Variants in SLC38A8 observed in about 807,000 individuals in gnomAD.
SLC38A8 encodes solute carrier family 38 member 8, also known as amino acid transporter SLC38A8.
A neutral mutation model predicts 46.0 loss-of-function variants in SLC38A8; 65 were observed. The observed-to-expected ratio is 1.41, with a 90% CI of 1.16 to 1.74. The LOEUF (loss-of-function observed/expected upper bound fraction) is 1.74, where lower values mean the gene tolerates loss of function less well. SLC38A8 is among the 40% of genes most tolerant of loss of function. SLC38A8 has a pLI of 0.00. For synonymous variants in SLC38A8, 447 were observed against 243.7 expected (o/e 1.83, Z -7.77); for missense variants, 998 against 567.9 (o/e 1.76, Z -7.70).
At chr16:84,025,663 C>G (rs2085154991) in intron 6 of SLC38A8, among the ~76,000 whole-genome samples, 1 of 152,210 alleles carries the variant, frequency 6.6e-6, no homozygotes, top group Non-Finnish European at 1.5e-5. Context: ...CACCCAGCCT[C>G]GCTCTGTCAC....
rs1355715777 is a variant in SLC38A8, at chr16:84,036,969, C to G, written c.190-69G>C. The G allele has an allele frequency of 4.9e-6, 7 of 1,436,396 alleles. No homozygotes were observed. In the East Asian group the frequency reaches 7.5e-5, roughly 15 times the overall value. The allele number at this position is 1,436,396 out of a possible 1,614,324, so 89.0% of individuals were successfully genotyped here. A position where few individuals can be genotyped will look rare whatever the true frequency, so the allele number is the denominator to read the frequency against. ...CCCACCCACCCCCAGCCAGCCACCCCTCGGGCACACTCTCCACATGGCTTC... is the reference window on the plus strand; with the variant it reads ...CCCACCCACCCCCAGCCAGCCACCCGTCGGGCACACTCTCCACATGGCTTC... On this transcript the variant is annotated intron_variant, in intron 2 of 10. Coordinates refer to ENST00000299709, the MANE Select transcript of SLC38A8 (RefSeq NM_001080442.3).
rs574353464 is a variant in SLC38A8 at position 84,032,345 on chromosome 16, C to T, written c.531-377G>A. On this transcript the variant is annotated intron_variant, in intron 4 of 10. Coordinates refer to ENST00000299709, the MANE Select transcript of SLC38A8 (RefSeq NM_001080442.3). ...CTGGGATTACAGGTGTCCGCCCCCA[C>T]GCCTCGCTAATTTTTGTACTTTTAG... Among the ~76,000 whole-genome samples the T allele has an allele frequency of 7.2e-5, 11 of 152,272 alleles. No individual in the cohort carries two copies. In the South Asian group the frequency reaches 8.3e-4, roughly 11 times the overall value.
intron 10 of SLC38A8, among the ~76,000 whole-genome samples, chr16:84,010,418 C>A (rs530505399): frequency 3.3e-5 from 5 of 152,134 alleles, no homozygotes; most frequent in African/African-American, 1.2e-4. Context: ...ATGTCATAAG[C>A]TCATTCCTCC....
At chr16:84,012,911 A>T in intron 10 of SLC38A8, 90 bp downstream of exon 10, 1 of 1,379,462 alleles carries the variant, frequency 7.2e-7, no homozygotes. Context: ...GATGCAGAGG[A>T]TGAGAAATAG....
chr16:84,042,276 G>A (rs1487593841), intron 1 of SLC38A8, 117 bp from the exon 2 acceptor site: 7 of 1,127,930 alleles, frequency 6.2e-6, no homozygotes, highest in Non-Finnish European at 8.6e-6. Flanking sequence ...GCTCCTGCCC[G>A]CTTCCTTGGC....
At chr16:84,025,793 G>T (rs1462776094) in intron 6 of SLC38A8, among the ~76,000 whole-genome samples, 3 of 152,230 alleles carry the variant, frequency 2.0e-5, no homozygotes, top group African/African-American at 7.2e-5. Context: ...CCTCCCTCCG[G>T]CTTCCAGCCC....
chr16:84,022,972 G>T (rs188799048), intron 6 of SLC38A8, 83 bp from the exon 7 acceptor site: 3 of 920,940 alleles, frequency 3.3e-6, no homozygotes, highest in Non-Finnish European at 4.8e-6. Context: ...CCAAAAGGCG[G>T]GAAATGTGGG....
intron 6 of SLC38A8, among the ~76,000 whole-genome samples, chr16:84,023,958 G>T (rs936359669): frequency 6.6e-6 from 1 of 152,182 alleles, no homozygotes; most frequent in Admixed American, 6.5e-5. Context: ...CAAGTTACAA[G>T]ATAAACACTT....
intron 7 of SLC38A8, among the ~76,000 whole-genome samples, chr16:84,018,848 G>A (rs528931093): frequency 1.3e-5 from 2 of 152,256 alleles, no homozygotes; most frequent in South Asian, 2.1e-4. Flanking sequence ...GAATTTCTAG[G>A]GGAGTCACTA....
intron 6 of SLC38A8, among the ~76,000 whole-genome samples, chr16:84,025,936 C>A (rs897210898): frequency 2.0e-5 from 3 of 152,232 alleles, no homozygotes; most frequent in African/African-American, 7.2e-5. Flanking sequence ...CTCCTGCACC[C>A]CCGCAGCACT....
intron 10 of SLC38A8, among the ~76,000 whole-genome samples, chr16:84,011,247 T>G (rs998367049): frequency 6.6e-6 from 1 of 152,230 alleles, no homozygotes. Context: ...ACGATAAAAA[T>G]ATCTTGAAAG....
Position 84,031,855 on chromosome 16 carries a change from C to T in SLC38A8, c.632+12G>A. ...CCGCCGAGGCTGCCGGAAGCTGTTC[C>T]CTCAGACTTACCTCAGTGAAGGATG... On this transcript the variant is annotated intron_variant, in intron 5 of 10. Transcript: ENST00000299709. 1 of 1,613,038 alleles carries T rather than the reference C, an allele frequency of 6.2e-7. No homozygotes were observed. Among genetic ancestry groups the T allele is most frequent in the South Asian group, 1.1e-5 (1 of 91,062 alleles).
intron 5 of SLC38A8, among the ~76,000 whole-genome samples, chr16:84,031,596 G>A (rs866654560): frequency 5.3e-5 from 8 of 152,156 alleles, no homozygotes; most frequent in East Asian, 1.9e-4. Context: ...GGACAAGTCT[G>A]CAATAACCTA....
rs117656129 is a variant in SLC38A8 at position 84,025,953 on chromosome 16, G to A, written c.691-3064C>T. ...CCTGCACCCCCGCAGCACTTGTGGG[G>A]CTCACCCCACACTCTCAGGTCAGCC... On this transcript the variant is annotated intron_variant, in intron 6 of 10. Coordinates refer to ENST00000299709, the MANE Select transcript of SLC38A8 (RefSeq NM_001080442.3). Among the ~76,000 whole-genome samples, 214 of 152,328 alleles carry A rather than the reference G, an allele frequency of 1.4e-3. No homozygotes were observed. The East Asian group carries it at 0.027, about 19-fold the overall frequency.
chr16:84,035,911 G>T (rs754123217), intron 3 of SLC38A8, among the ~76,000 whole-genome samples: 1 of 152,170 alleles, frequency 6.6e-6, no homozygotes, highest in Non-Finnish European at 1.5e-5. Flanking sequence ...TTGCAATGAC[G>T]ATCTGAACAC....
chr16:84,024,641 T>G (rs1280160990), intron 6 of SLC38A8, among the ~76,000 whole-genome samples: 1 of 151,932 alleles, frequency 6.6e-6, no homozygotes, highest in East Asian at 2.0e-4. Context: ...ATTAGTCAGG[T>G]GTGGTGGCAA....
intron 6 of SLC38A8, among the ~76,000 whole-genome samples, chr16:84,026,353 A>G (rs1025300913): frequency 6.6e-6 from 1 of 152,176 alleles, no homozygotes; most frequent in Non-Finnish European, 1.5e-5. Context: ...CAGCCTCCCA[A>G]GTAGCTGGGA....
intron 2 of SLC38A8, 55 bp from the exon 3 acceptor site, chr16:84,036,955 C>A: frequency 4.6e-6 from 7 of 1,509,982 alleles, no homozygotes; most frequent in South Asian, 1.2e-5. Flanking sequence ...CCACCCACCC[C>A]CAGCCAGCCA....
intron 6 of SLC38A8, among the ~76,000 whole-genome samples, chr16:84,023,202 C>A (rs78429665): frequency 6.6e-5 from 10 of 152,038 alleles, no homozygotes; most frequent in Non-Finnish European, 1.3e-4. Context: ...GCCCCTTTCC[C>A]CTCTCTCCCT....
Sources: allele counts gnomAD v4.1 joint callset (sites outside exome capture counted in the v4.1 genomes callset), GRCh38; gene constraint gnomAD v4.1.1; transcripts MANE v1.5; gene names NCBI Gene and HGNC (gene_info 2026-07-23, HGNC 2026-07-21).